COL18A1: variants seen among roughly 807,000 people sequenced by gnomAD.
The protein encoded by COL18A1 is collagen type XVIII alpha 1 chain.
In COL18A1, 133 loss-of-function variants were observed where a neutral mutation model predicts 168.0. That is an observed-to-expected ratio of 0.79 (90% CI 0.69 to 0.91). The LOEUF (loss-of-function observed/expected upper bound fraction) is 0.91. Among genes scored for constraint, COL18A1 ranks in the 40% least tolerant of loss-of-function variants. COL18A1 has a pLI of 0.00. For synonymous variants in COL18A1, 949 were observed against 809.0 expected, an observed-to-expected ratio of 1.17 and a Z score of -2.94; for missense variants, 2,126 against 1,925.4, an observed-to-expected ratio of 1.10 and a Z score of -1.95.
In COL18A1 at chr21:45,504,401, T is replaced by C. The variant is rs766824081; in HGVS notation, c.2728-15T>C. 10 of 1,609,542 alleles carry C rather than the reference T, an allele frequency of 6.2e-6. No individual in the cohort carries two copies. Among genetic ancestry groups the C allele is most frequent in the South Asian group, 1.1e-5 (1 of 90,768 alleles). The stretch of plus-strand genomic sequence containing the variant: ...GGGTTCAGGGCTCCCGTGTAACAAG[T>C]GTTTCCGTCCACAGGGGGAGAAGGG... On this transcript the variant is annotated splice_polypyrimidine_tract_variant and intron_variant, in intron 33 of 41. Transcript: ENST00000651438.
Position 45,513,546 on chromosome 21 carries a change from C to CCA in COL18A1, c.*1148_*1149insCA, listed in dbSNP as rs78063943. The CCA allele has an allele frequency of 0.51, 77,518 of 152,004 alleles. 20,674 individuals are homozygous for CCA. Among genetic ancestry groups the CCA allele is most frequent in the African/African-American group, 0.68 (28,162 of 41,446 alleles). 9.4% of individuals were successfully genotyped at this position (152,004 alleles called of 1,614,324 possible). A position where few individuals can be genotyped will look rare whatever the true frequency, so the allele number is the denominator to read the frequency against. Reference sequence around the variant, plus strand: ...CCCCTGAGATCCGGCAACATCAACCCGAGTCATTCGTTCTGTGGAGGGACA... The same window carrying CCA: ...CCCCTGAGATCCGGCAACATCAACCCCAGAGTCATTCGTTCTGTGGAGGGACA... On this transcript the variant is annotated 3_prime_UTR_variant, in exon 42 of 42. Coordinates refer to ENST00000651438, the MANE Select transcript of COL18A1 (RefSeq NM_001379500.1).
intron 2 of COL18A1, among the ~76,000 whole-genome samples, chr21:45,417,738 G>A (rs374382725): frequency 6.6e-6 from 1 of 152,230 alleles, no homozygotes; most frequent in Non-Finnish European, 1.5e-5. Context: ...TGCATCCGTT[G>A]TTGTAGCCAC....
intron 39 of COL18A1, among the ~76,000 whole-genome samples, chr21:45,509,815 T>A (rs1269232917): frequency 6.6e-6 from 1 of 152,164 alleles, no homozygotes; most frequent in Non-Finnish European, 1.5e-5. Context: ...CGCTGTCACA[T>A]CCTTGAGGAA....
In COL18A1 at chr21:45,487,417, G is replaced by GC. The variant is rs751992133; in HGVS notation, c.1834-26dup. The GC allele has an allele frequency of 5.0e-6, 8 of 1,611,052 alleles. No homozygotes were observed. In the South Asian group the frequency reaches 8.8e-5, roughly 18 times the overall value. On this transcript the variant is annotated intron_variant, in intron 16 of 41. Coordinates refer to ENST00000651438, the MANE Select transcript of COL18A1 (RefSeq NM_001379500.1). ...GGTCCTTCCCTAAGAAGGGACACAG[G>GC]CCCCTACGTGTCTCGTGTGTCTCTT...
chr21:45,512,352 A>G lies in COL18A1; in HGVS notation c.3974A>G (p.Tyr1325Cys), dbSNP rs1252008301. ...AGTGCCGCGAGCTGCCATCACGCCTACATCGTGCTCTGCATTGAGAACAGC... is the reference window on the plus strand; with the variant it reads ...AGTGCCGCGAGCTGCCATCACGCCTGCATCGTGCTCTGCATTGAGAACAGC... The part of the protein sequence containing the change: ...GQSAASCHHA[Y>C]IVLCIENSFM... The change falls in exon 42 of 42, where the codon TAC (tyrosine) becomes TGC (cysteine). Residue 1325 changes from tyrosine (Y) to cysteine (C), a missense_variant. Coordinates refer to ENST00000651438, the MANE Select transcript of COL18A1 (RefSeq NM_001379500.1). 1.9e-6 allele frequency: 3 copies of G among 1,612,750 alleles called. No individual in the cohort carries two copies. The highest frequency in any genetic ancestry group is 2.2e-5 in the East Asian group (1 of 44,866).
At chr21:45,456,655 C>G (rs1036486791) in intron 2 of COL18A1, 5 of 1,534,718 alleles carry the variant, frequency 3.3e-6, no homozygotes, top group Non-Finnish European at 3.5e-6. Flanking sequence ...CGTGGGGGGG[C>G]CTGCTGCAGA....
chr21:45,449,498 G>A (rs1465497738), intron 2 of COL18A1, among the ~76,000 whole-genome samples: 2 of 152,186 alleles, frequency 1.3e-5, no homozygotes, highest in African/African-American at 4.8e-5. Flanking sequence ...GAAGAGCTAA[G>A]AGAAGCCTCG....
chr21:45,482,070 A>G (rs1468814565), intron 14 of COL18A1, 45 bp downstream of exon 14: 4 of 1,509,328 alleles, frequency 2.7e-6, no homozygotes, highest in Non-Finnish European at 3.7e-6. Context: ...CCAGCACCAC[A>G]CCATGTGGCC....
At chr21:45,494,427 C>T (rs1436352364) in intron 26 of COL18A1, 118 bp from the exon 27 acceptor site, 1 of 1,450,944 alleles carries the variant, frequency 6.9e-7, no homozygotes, top group East Asian at 2.3e-5. Context: ...CTTAGGGAGG[C>T]TATCAGGTGG....
At chr21:45,476,687 C>T (rs1018576838) in intron 6 of COL18A1, among the ~76,000 whole-genome samples, 4 of 150,402 alleles carry the variant, frequency 2.7e-5, no homozygotes, top group African/African-American at 9.8e-5. Context: ...ATGTTTGTGA[C>T]ATGTGTGATG....
At chr21:45,452,929 A>G (rs1045239156) in intron 2 of COL18A1, among the ~76,000 whole-genome samples, 6 of 151,646 alleles carry the variant, frequency 4.0e-5, no homozygotes, top group South Asian at 2.1e-4. Context: ...GAGTATTCAC[A>G]TGTGACATGT....
intron 29 of COL18A1, chr21:45,495,669 T>C (rs1458259414): frequency 1.9e-6 from 1 of 518,408 alleles, no homozygotes; most frequent in Non-Finnish European, 3.6e-6. Flanking sequence ...TGTGCACATA[T>C]ACACATGCAT....
At position 45,411,778 on chromosome 21, in the gene COL18A1, A is replaced by AGGGGGGGGGGGGGGG. The variant is rs1569273645; in HGVS notation, c.106+6307_106+6308insGGGGGGGGGGGGGGG. ...TGATGGCGGGGGGTGGGGGGGGGGCAGGCTGTGGTCAGGGACCTGCAGGAG... is the reference window on the plus strand; with the variant it reads ...TGATGGCGGGGGGTGGGGGGGGGGCAGGGGGGGGGGGGGGGGGCTGTGGTCAGGGACCTGCAGGAG... On this transcript the variant is annotated intron_variant, in intron 2 of 41. Transcript: ENST00000651438. 4.2e-4 allele frequency among the ~76,000 whole-genome samples: 46 copies of AGGGGGGGGGGGGGGG among 108,292 alleles called. 1 individual carries two copies. The highest frequency in any genetic ancestry group is 1.2e-3 in the Admixed American group (11 of 9,446). The allele number at this position is 108,292 out of a possible 152,430, so 71.0% of individuals were successfully genotyped here. A position where few individuals can be genotyped will look rare whatever the true frequency, so the allele number is the denominator to read the frequency against.
In COL18A1 at chr21:45,425,153, A is replaced by C. The variant is rs2033754101; in HGVS notation, c.106+19680A>C. 6.6e-6 allele frequency: 1 copy of C among 152,208 alleles called. No individual in the cohort carries two copies. Among genetic ancestry groups the C allele is most frequent in the African/African-American group, 2.4e-5 (1 of 41,416 alleles). The allele number at this position is 152,208 out of a possible 1,614,324, so 9.4% of individuals were successfully genotyped here. A position where few individuals can be genotyped will look rare whatever the true frequency, so the allele number is the denominator to read the frequency against. On this transcript the variant is annotated intron_variant, in intron 2 of 41. Coordinates refer to ENST00000651438, the MANE Select transcript of COL18A1 (RefSeq NM_001379500.1). This position sits in a 1 kb window ranked among gnomAD's most constrained non-coding sequence, Gnocchi z 4.1. ...TGGGCCTGTGAGCCAATGGGTGGGC[A>C]GCACCACCCACCGCCTCCTTCCTCA...
Position 45,493,758 on chromosome 21 carries a change from GGCCCCTCGTCCTCTCCCT to G in COL18A1, c.2352+202_2352+219del, listed in dbSNP as rs1234023495. ...TCGCACCCATGTCGGCGGTTCCGCC[GGCCCCTCGTCCTCTCCCT>G]GCCCCTCGTCCTCTCCCTACCCCTG... On this transcript the variant is annotated intron_variant, in intron 26 of 41. Coordinates refer to ENST00000651438, the MANE Select transcript of COL18A1 (RefSeq NM_001379500.1). 154 of 604,052 alleles carry G rather than the reference GGCCCCTCGTCCTCTCCCT, an allele frequency of 2.5e-4. No individual in the cohort carries two copies. In the East Asian group the frequency reaches 3.6e-3, roughly 14 times the overall value. The allele number at this position is 604,052 out of a possible 1,614,324, so 37.4% of individuals were successfully genotyped here. A position where few individuals can be genotyped will look rare whatever the true frequency, so the allele number is the denominator to read the frequency against.
intron 2 of COL18A1, among the ~76,000 whole-genome samples, chr21:45,440,474 A>T (rs1471545016): frequency 6.6e-6 from 1 of 151,924 alleles, no homozygotes; most frequent in African/African-American, 2.4e-5. Context: ...CCCCGCAAGC[A>T]GTCGGGGCCT....
At chr21:45,488,395 C>T (rs1208877680) in intron 17 of COL18A1, 23 bp from the exon 18 acceptor site, 1 of 1,613,664 alleles carries the variant, frequency 6.2e-7, no homozygotes, top group Admixed American at 1.7e-5. Flanking sequence ...TGCACTAACA[C>T]TGTGTCTCCT....
At chr21:45,500,865 GGT>G (rs2036767344) in intron 32 of COL18A1, among the ~76,000 whole-genome samples, 1 of 34,834 alleles carries the variant, frequency 2.9e-5, no homozygotes, top group Non-Finnish European at 6.1e-5. Flanking sequence ...GTAGTGTGGG[GGT>G]GTGGTTTGGT....
At chr21:45,479,275 T>G (rs547508266) in intron 9 of COL18A1, among the ~76,000 whole-genome samples, 1 of 149,332 alleles carries the variant, frequency 6.7e-6, no homozygotes, top group African/African-American at 2.4e-5. Context: ...CGTGGACACA[T>G]GCACACACAT....
Sources: allele counts gnomAD v4.1 joint callset (sites outside exome capture counted in the v4.1 genomes callset), GRCh38; gene constraint gnomAD v4.1.1; non-coding constraint Gnocchi (gnomAD v3.1); transcripts MANE v1.5; gene names NCBI Gene and HGNC (gene_info 2026-07-23, HGNC 2026-07-21).